PCDHA2: variants seen among roughly 807,000 people sequenced by gnomAD.
PCDHA2 encodes the protein protocadherin alpha 2, also known as protocadherin alpha-2.
Under a neutral mutation model 66.0 loss-of-function variants are expected in PCDHA2, and 58 were observed. That is an observed-to-expected ratio of 0.88 (90% confidence interval 0.71 to 1.09). PCDHA2 has a LOEUF of 1.09. Among genes scored for constraint, PCDHA2 ranks in the 50% least tolerant of loss-of-function variants. The pLI, the probability that PCDHA2 is intolerant of heterozygous loss-of-function variation, is 0.00. For missense variants in PCDHA2, 1,267 were observed against 1,242.3 expected, an observed-to-expected ratio of 1.02 and a Z score of -0.30; for synonymous variants, 634 against 554.0, an observed-to-expected ratio of 1.14 and a Z score of -2.03.
At chr5:140,886,680 G>T (rs1554182653) in intron 1 of PCDHA2, among the ~76,000 whole-genome samples, 1 of 151,946 alleles carries the variant, frequency 6.6e-6, no homozygotes, top group Non-Finnish European at 1.5e-5. Context: ...ACAAAAATTA[G>T]CGAGGCATGG....
chr5:140,870,510 A>T, intron 1 of PCDHA2: 1 of 1,614,220 alleles, frequency 6.2e-7, no homozygotes, highest in Non-Finnish European at 8.5e-7. Context: ...ACAACCCACC[A>T]GGCTGCCACA....
At chr5:140,911,663 T>G (rs2075591717) in intron 1 of PCDHA2, among the ~76,000 whole-genome samples, 1 of 152,206 alleles carries the variant, frequency 6.6e-6, no homozygotes, top group Non-Finnish European at 1.5e-5. Context: ...CTAAACTCCT[T>G]GCCTCTCACG....
At chr5:140,995,963 A>G (rs2097706042) in intron 3 of PCDHA2, among the ~76,000 whole-genome samples, 1 of 152,234 alleles carries the variant, frequency 6.6e-6, no homozygotes, top group Non-Finnish European at 1.5e-5. Context: ...AATGCTTAGA[A>G]CCATGCTTAG....
chr5:140,811,332 A>G (rs1401221708), intron 1 of PCDHA2: 2 of 152,262 alleles, frequency 1.3e-5, no homozygotes, highest in East Asian at 3.8e-4. Flanking sequence ...TACAAAGGAC[A>G]TGAACTCACC....
chr5:140,875,724 G>T, intron 1 of PCDHA2: 1 of 1,614,244 alleles, frequency 6.2e-7, no homozygotes, highest in Non-Finnish European at 8.5e-7. Flanking sequence ...ATGGCATTTT[G>T]TTTGTGAATT....
At chr5:140,844,109 T>A (rs1779229208) in intron 1 of PCDHA2, among the ~76,000 whole-genome samples, 1 of 149,768 alleles carries the variant, frequency 6.7e-6, no homozygotes, top group Non-Finnish European at 1.5e-5. Flanking sequence ...CCATATGCTG[T>A]ACTTTGAAAT....
At position 140,967,525 on chromosome 5, in the gene PCDHA2, C is replaced by T. The variant is rs368677084; in HGVS notation, c.2389-11424C>T. The stretch of plus-strand genomic sequence containing the variant: ...TGCGTGTCCTGGACACTAACGACAA[C>T]TCTCCTGCCTTTGACCAGTCCACTT... On this transcript the variant is annotated intron_variant, in intron 1 of 3. Coordinates refer to ENST00000526136, the MANE Select transcript of PCDHA2 (RefSeq NM_018905.3). 3.7e-5 allele frequency: 59 copies of T among 1,613,048 alleles called. No individual in the cohort carries two copies. The African/African-American group carries it at 7.3e-4, about 20-fold the overall frequency.
At chr5:140,979,179 G>T in intron 2 of PCDHA2, 172 bp downstream of exon 2, 1 of 936,772 alleles carries the variant, frequency 1.1e-6, no homozygotes, top group Middle Eastern at 5.5e-4. Flanking sequence ...ATCGCAAATG[G>T]TCAGTGCCAG....
chr5:140,982,985 A>C (rs2097019022), intron 3 of PCDHA2, among the ~76,000 whole-genome samples: 1 of 152,162 alleles, frequency 6.6e-6, no homozygotes, highest in Non-Finnish European at 1.5e-5. Flanking sequence ...AAAGAAAGAG[A>C]AAAAGAAGGA....
chr5:140,966,938 G>T, intron 1 of PCDHA2: 1 of 1,604,146 alleles, frequency 6.2e-7, no homozygotes, highest in African/African-American at 1.3e-5. Flanking sequence ...CGGCGCGCTC[G>T]TGGGCAACGT....
intron 1 of PCDHA2, among the ~76,000 whole-genome samples, chr5:140,872,710 A>G (rs563009592): frequency 6.5e-4 from 99 of 152,384 alleles, no homozygotes; most frequent in African/African-American, 1.9e-3. Flanking sequence ...AAAGGAAACT[A>G]GGTAAATAAA....
At chr5:140,976,232 G>C (rs2096707189) in intron 1 of PCDHA2, among the ~76,000 whole-genome samples, 1 of 152,098 alleles carries the variant, frequency 6.6e-6, no homozygotes, top group Non-Finnish European at 1.5e-5. Flanking sequence ...AAAAATATAT[G>C]TCATTTCATG....
chr5:140,902,225 A>G (rs1454445915), intron 1 of PCDHA2, among the ~76,000 whole-genome samples: 1 of 114,610 alleles, frequency 8.7e-6, no homozygotes, highest in African/African-American at 3.5e-5. Context: ...TTTTTTTGAG[A>G]TGAGGACTTG....
At chr5:140,956,949 A>G (rs1027198370) in intron 1 of PCDHA2, among the ~76,000 whole-genome samples, 5 of 140,514 alleles carry the variant, frequency 3.6e-5, no homozygotes, top group African/African-American at 1.3e-4. Flanking sequence ...TTTACATTAA[A>G]ACACTGTAAT....
chr5:140,801,463 G>C, intron 1 of PCDHA2: 1 of 1,614,044 alleles, frequency 6.2e-7, no homozygotes, highest in Non-Finnish European at 8.5e-7. Flanking sequence ...GTGAATTCTC[G>C]GATAGACCGC....
intron 3 of PCDHA2, among the ~76,000 whole-genome samples, chr5:140,997,328 G>A (rs76646758): frequency 0.013 from 1,948 of 152,070 alleles, 47 homozygotes; most frequent in African/African-American, 0.045. Flanking sequence ...CAGTTTTTTC[G>A]TTGTACAAAT....
chr5:140,855,986 G>C (rs191873949), intron 1 of PCDHA2: 4 of 1,477,690 alleles, frequency 2.7e-6, no homozygotes, highest in Middle Eastern at 1.8e-4. Context: ...GACAGAAAAT[G>C]TCAGATCGTA....
chr5:141,010,001 A>G lies in PCDHA2; in HGVS notation c.*64A>G. The G allele has an allele frequency of 6.4e-7, 1 of 1,574,588 alleles. No homozygotes were observed. The highest frequency in any genetic ancestry group is 8.6e-7 in the Non-Finnish European group (1 of 1,164,348). On this transcript the variant is annotated 3_prime_UTR_variant, in exon 4 of 4. Transcript: ENST00000526136. ...TAATAATGGCAAATCTCTCCCATGT[A>G]GCAATTCCCTGCTCCTTTTTCCTAT...
chr5:140,823,502 T>A, intron 1 of PCDHA2: 23 of 1,613,260 alleles, frequency 1.4e-5, no homozygotes, highest in Non-Finnish European at 1.9e-5. Context: ...GGCGGCGCAG[T>A]GAGCGAGCTG....
Sources: gnomAD v4.1 joint callset for allele counts (sites outside exome capture counted in the v4.1 genomes callset) on GRCh38, gnomAD v4.1.1 for gene constraint, MANE v1.5 for transcripts, NCBI Gene and HGNC (gene_info 2026-07-23, HGNC 2026-07-21) for gene names.